Variants in DMD observed in about 807,000 individuals in gnomAD.
The protein encoded by DMD is dystrophin.
Under a neutral mutation model 330.1 loss-of-function variants are expected in DMD, and 63 were observed. The observed-to-expected ratio is 0.19, with a 90% CI of 0.16 to 0.24. DMD has a LOEUF of 0.24. DMD is among the 10% of genes least tolerant of loss of function. DMD has a pLI of 1.00. For synonymous variants in DMD, 1,223 were observed against 959.8 expected, an observed-to-expected ratio of 1.27 and a Z score of -5.07; for missense variants, 3,344 against 2,684.1, an observed-to-expected ratio of 1.25 and a Z score of -5.43.
chrX:32,821,403 T>C (rs1318524836), intron 5 of DMD, among the ~76,000 whole-genome samples: 1 of 105,790 alleles, frequency 9.5e-6, no homozygotes, highest in South Asian at 4.2e-4. Flanking sequence ...GCTAACACGG[T>C]GAAACCCCGT....
chrX:32,091,632 TA>T (rs1285958416), intron 44 of DMD, among the ~76,000 whole-genome samples: 1 of 111,759 alleles, frequency 8.9e-6, no homozygotes, highest in African/African-American at 3.2e-5. Context: ...CACAGGTTTT[TA>T]AAGTTACAGT....
intron 4 of DMD, among the ~76,000 whole-genome samples, chrX:32,824,303 C>T (rs2078516165): frequency 8.9e-6 from 1 of 111,748 alleles, no homozygotes; most frequent in Admixed American, 9.5e-5. Flanking sequence ...AAACCTGCAC[C>T]TAAGTGTTCA....
chrX:32,073,494 C>T, intron 44 of DMD, among the ~76,000 whole-genome samples: 1 of 110,449 alleles, frequency 9.1e-6, no homozygotes, highest in East Asian at 2.8e-4. Flanking sequence ...ATTTTACAAC[C>T]CCCTCTTTTT....
chrX:31,680,036 C>T (rs750345668), intron 52 of DMD, among the ~76,000 whole-genome samples: 2 of 112,243 alleles, frequency 1.8e-5, no homozygotes, highest in South Asian at 3.7e-4. Context: ...TGATGCCTCC[C>T]CTCCAGCTCC....
intron 1 of DMD, among the ~76,000 whole-genome samples, chrX:33,316,800 T>C (rs1284567304): frequency 1.8e-5 from 2 of 110,827 alleles, no homozygotes; most frequent in African/African-American, 3.3e-5. Flanking sequence ...AATCTATAGA[T>C]CGATTTGGGA....
chrX:33,098,793 T>G (rs951467839), intron 1 of DMD, among the ~76,000 whole-genome samples: 1 of 111,638 alleles, frequency 9.0e-6, no homozygotes, highest in African/African-American at 3.3e-5. Flanking sequence ...CCTGACATGT[T>G]TACTCTACTG....
Position 32,529,978 on chromosome X carries a change from AAT to A in DMD, c.2169-11849_2169-11848del, listed in dbSNP as rs201926222. 8.6e-3 allele frequency among the ~76,000 whole-genome samples: 961 copies of A among 111,940 alleles called. 19 individuals carry two copies. The highest frequency in any genetic ancestry group is 0.066 in the Admixed American group (695 of 10,546). ...ATTTTAAGCACATCACTCATAAAAT[AAT>A]ATGTTTCAGTACAGTAAAATTTAAT... On this transcript the variant is annotated intron_variant, in intron 17 of 78. Transcript: ENST00000357033.
At chrX:31,781,979 AT>A (rs58435897) in intron 50 of DMD, among the ~76,000 whole-genome samples, 3,345 of 109,014 alleles carry the variant, frequency 0.031, 136 homozygotes, top group African/African-American at 0.1. Context: ...TGCCTATCCA[AT>A]TTTTTTTTTC....
intron 49 of DMD, among the ~76,000 whole-genome samples, chrX:31,833,285 A>AGAGAGAGAGAGAGAGG (rs2093099834): frequency 3.0e-5 from 1 of 33,548 alleles, no homozygotes; most frequent in Non-Finnish European, 4.5e-5. Context: ...AGAGAGAGAG[A>AGAGAGAGAGAGAGAGG]GAGAGAGGGA....
At chrX:32,110,599 C>T (rs1172441393) in intron 44 of DMD, among the ~76,000 whole-genome samples, 2 of 111,473 alleles carry the variant, frequency 1.8e-5, no homozygotes, top group African/African-American at 3.3e-5. Flanking sequence ...ATATTTTCTG[C>T]CTCTTTTCCC....
chrX:32,647,135 GAAGA>G (rs1252479899), intron 9 of DMD, among the ~76,000 whole-genome samples: 3 of 111,724 alleles, frequency 2.7e-5, no homozygotes, highest in Non-Finnish European at 5.6e-5. Flanking sequence ...CCTGAGCGCA[GAAGA>G]AACACATGCC....
intron 45 of DMD, among the ~76,000 whole-genome samples, chrX:31,941,857 G>A (rs1006392127): frequency 2.7e-5 from 3 of 111,736 alleles, no homozygotes; most frequent in African/African-American, 6.5e-5. Flanking sequence ...TACAAAAGGC[G>A]TGACTGTATG....
At chrX:31,611,888 T>C (rs150296876) in intron 55 of DMD, among the ~76,000 whole-genome samples, 54 of 111,468 alleles carry the variant, frequency 4.8e-4, no homozygotes, top group African/African-American at 1.6e-3. Context: ...TTTTTATGGG[T>C]ACATAGTAGG....
At chrX:31,380,399 TAA>T (rs976767778) in intron 60 of DMD, among the ~76,000 whole-genome samples, 7 of 109,515 alleles carry the variant, frequency 6.4e-5, no homozygotes, top group Middle Eastern at 4.7e-3. Flanking sequence ...CCCACAAGCA[TAA>T]GACACCTCTA....
chrX:31,708,436 A>G (rs888085264), intron 52 of DMD, among the ~76,000 whole-genome samples: 5 of 111,896 alleles, frequency 4.5e-5, no homozygotes, highest in Non-Finnish European at 7.5e-5. Flanking sequence ...AATCAAGTTC[A>G]CCTCAATTTC....
intron 47 of DMD, among the ~76,000 whole-genome samples, chrX:31,876,841 C>T (rs190560490): frequency 9.5e-4 from 106 of 111,496 alleles, no homozygotes; most frequent in African/African-American, 3.2e-3. Context: ...TAGCTCTTTA[C>T]GAGACTATTA....
intron 1 of DMD, among the ~76,000 whole-genome samples, chrX:33,063,515 A>T (rs1458094626): frequency 8.9e-6 from 1 of 111,961 alleles, no homozygotes; most frequent in Non-Finnish European, 1.9e-5. Context: ...TGAAAACACT[A>T]ACACCGTCAG....
At position 31,511,157 on chromosome X, in the gene DMD, T is replaced by C. The variant is rs1348160467; in HGVS notation, c.8218-3704A>G. 1.8e-5 allele frequency among the ~76,000 whole-genome samples: 2 copies of C among 109,623 alleles called. 1 individual carries two copies. The highest frequency in any genetic ancestry group is 3.8e-5 in the Non-Finnish European group (2 of 52,802). ...TCTTTCAAAAGCTGGCATGCTGTAG[T>C]GGAGATTTTTCAGTATCAATAAGGC... is the stretch of plus-strand genomic sequence containing the variant. On this transcript the variant is annotated intron_variant, in intron 55 of 78. Transcript: ENST00000357033.
chrX:32,757,054 A>T (rs937892987), intron 7 of DMD, among the ~76,000 whole-genome samples: 14 of 111,404 alleles, frequency 1.3e-4, no homozygotes, highest in Non-Finnish European at 2.1e-4. Context: ...TCTAATTTCG[A>T]ATTTACTTAA....
Sources: allele counts gnomAD v4.1 joint callset (sites outside exome capture counted in the v4.1 genomes callset), GRCh38; gene constraint gnomAD v4.1.1; transcripts MANE v1.5; gene names NCBI Gene and HGNC (gene_info 2026-07-23, HGNC 2026-07-21).